Variants in CHN1 observed in about 807,000 individuals in gnomAD.
The protein encoded by CHN1 is chimerin 1, also known as N-chimaerin.
In CHN1, 37 loss-of-function variants were observed where a neutral mutation model predicts 59.5. The observed-to-expected ratio is 0.62, with a 90% confidence interval of 0.48 to 0.82. CHN1 has a LOEUF of 0.82. Among genes scored for constraint, CHN1 ranks in the 40% least tolerant of loss-of-function variants. The probability of loss-of-function intolerance (pLI) is 0.00; values close to 1 mark genes in which losing one functional copy is unlikely to be tolerated. For missense variants in CHN1, 469 were observed against 571.0 expected (o/e 0.82, Z 1.82); for synonymous variants, 206 against 200.4 (o/e 1.03, Z -0.24).
At chr2:174,823,243 T>G (rs1254325687) in intron 8 of CHN1, among the ~76,000 whole-genome samples, 1 of 152,246 alleles carries the variant, frequency 6.6e-6, no homozygotes, top group Non-Finnish European at 1.5e-5. Context: ...AGTGTAAAGC[T>G]TCATGCTAAA....
At chr2:174,936,375 C>G (rs1283094707) in intron 3 of CHN1, among the ~76,000 whole-genome samples, 1 of 152,152 alleles carries the variant, frequency 6.6e-6, no homozygotes, top group Non-Finnish European at 1.5e-5. Flanking sequence ...TATCAGTGAA[C>G]AAAAGATATG....
chr2:174,974,666 T>C (rs1394621409), intron 1 of CHN1, among the ~76,000 whole-genome samples: 1 of 152,070 alleles, frequency 6.6e-6, no homozygotes, highest in Admixed American at 6.5e-5. Flanking sequence ...GTAAATGTTT[T>C]CCCAGCACCA....
intron 2 of CHN1, among the ~76,000 whole-genome samples, chr2:174,948,314 A>C (rs1689906258): frequency 1.3e-5 from 2 of 152,198 alleles, no homozygotes; most frequent in African/African-American, 4.8e-5. Context: ...AAAGGAGCTA[A>C]TTTTGAGCTA....
In CHN1 at chr2:174,928,986, AAAAATCAGG is replaced by A. The variant is rs1689254450; in HGVS notation, c.115-10430_115-10422del. ...AGAGTTGGAAGTGACTTACAGGGAA[AAAAATCAGG>A]AAAATGAGAATCAGATATGTTATGA... On this transcript the variant is annotated intron_variant, in intron 3 of 12. Coordinates refer to ENST00000409900, the MANE Select transcript of CHN1 (RefSeq NM_001822.7). 5.3e-5 allele frequency among the ~76,000 whole-genome samples: 8 copies of A among 152,352 alleles called. No individual in the cohort carries two copies. The South Asian group carries it at 1.7e-3, about 32-fold the overall frequency.
intron 4 of CHN1, 145 bp downstream of exon 4, chr2:174,918,389 T>C (rs1162602689): frequency 7.6e-6 from 4 of 523,192 alleles, no homozygotes; most frequent in Non-Finnish European, 1.3e-5. Context: ...GTTCACCAAT[T>C]AGATCACATT....
chr2:174,892,407 G>A (rs1192435907), intron 5 of CHN1, among the ~76,000 whole-genome samples: 1 of 152,132 alleles, frequency 6.6e-6, no homozygotes, highest in Non-Finnish European at 1.5e-5. Flanking sequence ...TTCACAATGT[G>A]AGAACACAGT....
intron 6 of CHN1, among the ~76,000 whole-genome samples, chr2:174,863,725 A>G (rs529537466): frequency 1.3e-5 from 2 of 152,298 alleles, no homozygotes; most frequent in South Asian, 4.1e-4. Context: ...TGTAACTTTT[A>G]CTGAGCAACA....
At chr2:174,829,838 T>TAGGC (rs1685811748) in intron 7 of CHN1, among the ~76,000 whole-genome samples, 2 of 152,128 alleles carry the variant, frequency 1.3e-5, no homozygotes, top group Admixed American at 6.5e-5. Flanking sequence ...GGAATGTAGG[T>TAGGC]AGGCAGGCAG....
At position 174,881,800 on chromosome 2, in the gene CHN1, A is replaced by T. The variant is rs547868474; in HGVS notation, c.261-3672T>A. ...GTCTCTGAATAAGTTTGTATTTGCC[A>T]CTTGGTTAAATAGAGTGGGAAGACA... is the stretch of plus-strand genomic sequence containing the variant. On this transcript the variant is annotated intron_variant, in intron 5 of 12. Transcript: ENST00000409900. Among the ~76,000 whole-genome samples, 20 of 152,334 alleles carry T rather than the reference A, an allele frequency of 1.3e-4. 1 individual carries two copies. The South Asian group carries it at 3.5e-3, about 27-fold the overall frequency.
At chr2:174,875,479 T>A (rs915660291) in intron 6 of CHN1, among the ~76,000 whole-genome samples, 3 of 152,188 alleles carry the variant, frequency 2.0e-5, no homozygotes, top group African/African-American at 7.2e-5. Context: ...GAACCACATC[T>A]TGGAGACCAC....
chr2:174,803,378 G>A (rs1158583883), intron 11 of CHN1, among the ~76,000 whole-genome samples: 1 of 152,102 alleles, frequency 6.6e-6, no homozygotes, highest in Non-Finnish European at 1.5e-5. Context: ...CACAGTTCCT[G>A]GCTCATTTCT....
At position 174,813,552 on chromosome 2, in the gene CHN1, AT is replaced by A. The variant is rs375752887; in HGVS notation, c.713-1071del. 4.0e-4 allele frequency among the ~76,000 whole-genome samples: 61 copies of A among 152,332 alleles called. No homozygotes were observed. The East Asian group carries it at 0.011, about 27-fold the overall frequency. On this transcript the variant is annotated intron_variant, in intron 8 of 12. Transcript: ENST00000409900. ...TCTGGTTAATATTGTGAGACACTTTATTTTCAACAAGAAAAGTACAAAGAAA... is the reference window on the plus strand; with the variant it reads ...TCTGGTTAATATTGTGAGACACTTTATTTCAACAAGAAAAGTACAAAGAAA...
intron 5 of CHN1, among the ~76,000 whole-genome samples, chr2:174,879,855 A>C (rs1373129519): frequency 6.6e-6 from 1 of 152,188 alleles, no homozygotes; most frequent in Non-Finnish European, 1.5e-5. Flanking sequence ...CAATCCAAGC[A>C]ATGGTGTCAG....
At chr2:174,838,746 G>A (rs1194615534) in intron 7 of CHN1, among the ~76,000 whole-genome samples, 2 of 152,068 alleles carry the variant, frequency 1.3e-5, no homozygotes, top group African/African-American at 2.4e-5. Context: ...CAGGTGCAGT[G>A]GTTCATGCCT....
intron 6 of CHN1, among the ~76,000 whole-genome samples, chr2:174,857,898 T>C (rs556878260): frequency 6.6e-6 from 1 of 152,296 alleles, no homozygotes; most frequent in East Asian, 1.9e-4. Context: ...TCTTGAATCA[T>C]AAACATTTTC....
intron 5 of CHN1, among the ~76,000 whole-genome samples, chr2:174,892,792 T>G (rs1461580916): frequency 1.3e-5 from 2 of 152,234 alleles, no homozygotes; most frequent in East Asian, 3.9e-4. Context: ...ACCCCGGGGA[T>G]GCAAGAATGA....
intron 5 of CHN1, among the ~76,000 whole-genome samples, chr2:174,888,072 C>G (rs1457612908): frequency 6.6e-6 from 1 of 152,042 alleles, no homozygotes; most frequent in African/African-American, 2.4e-5. Context: ...AAATTAATAA[C>G]TATATGATCA....
Position 174,801,731 on chromosome 2 carries a change from C to A in CHN1, c.1184G>T (p.Arg395Leu). Reference protein sequence around the residue: ...LLPPAHCETLRYLMAHLKRVT... With the variant: ...LLPPAHCETLLYLMAHLKRVT... Reference sequence around the variant, plus strand: ...CCTCTTTAGATGTGCCATGAGGTACCGGAGGGTTTCGCAGTGAGCAGGTGG... The same window carrying A: ...CCTCTTTAGATGTGCCATGAGGTACAGGAGGGTTTCGCAGTGAGCAGGTGG... The change falls in exon 12 of 13, where the codon CGG (arginine) becomes CTG (leucine). Residue 395 changes from arginine to leucine, a missense_variant. Around this residue, in one of 5 missense-constraint regions of CHN1, gnomAD observed 225 missense variants for 289.9 expected, o/e 0.78. Transcript: ENST00000409900. 6.2e-7 allele frequency: 1 copy of A among 1,613,118 alleles called. No individual in the cohort carries two copies. Among genetic ancestry groups the A allele is most frequent in the Non-Finnish European group, 8.5e-7 (1 of 1,179,368 alleles).
intron 6 of CHN1, among the ~76,000 whole-genome samples, chr2:174,857,766 G>A (rs1686949889): frequency 6.6e-6 from 1 of 151,998 alleles, no homozygotes; most frequent in South Asian, 2.1e-4. Context: ...CCCAATTTTT[G>A]ACACCTATTA....
Sources: gnomAD v4.1 joint callset for allele counts (sites outside exome capture counted in the v4.1 genomes callset) on GRCh38, gnomAD v4.1.1 for gene constraint, gnomAD v4.1.1 regional missense constraint, MANE v1.5 for transcripts, NCBI Gene and HGNC (gene_info 2026-07-23, HGNC 2026-07-21) for gene names.